The following STK32A variants were observed in gnomAD, a reference collection of about 807,000 sequenced individuals.
STK32A encodes the protein serine/threonine kinase 32A, also known as serine/threonine-protein kinase 32A.
STK32A carries 41 observed loss-of-function variants against 53.2 expected under a neutral mutation model. That is an observed-to-expected ratio of 0.77 (90% CI 0.60 to 1.00). The LOEUF (loss-of-function observed/expected upper bound fraction) is 1.00. Ranked by LOEUF, STK32A falls within the 50% of genes least tolerant of loss-of-function variation. STK32A has a pLI of 0.00. For synonymous variants in STK32A, 166 were observed against 162.8 expected, an observed-to-expected ratio of 1.02 and a Z score of -0.15; for missense variants, 458 against 485.8, an observed-to-expected ratio of 0.94 and a Z score of 0.54.
chr5:147,311,940 G>A (rs116146607), intron 4 of STK32A, among the ~76,000 whole-genome samples: 29 of 152,150 alleles, frequency 1.9e-4, no homozygotes, highest in African/African-American at 6.3e-4. Context: ...TGCTATGGAA[G>A]GGCAGAGGGG....
chr5:147,264,120 T>C (rs1754704461), intron 2 of STK32A, among the ~76,000 whole-genome samples: 1 of 152,196 alleles, frequency 6.6e-6, no homozygotes, highest in Admixed American at 6.5e-5. Context: ...TAAAAATATT[T>C]TTCATGGATA....
At chr5:147,285,731 A>G (rs1317495887) in intron 4 of STK32A, among the ~76,000 whole-genome samples, 1 of 151,782 alleles carries the variant, frequency 6.6e-6, no homozygotes, top group African/African-American at 2.4e-5. Flanking sequence ...AATCAAAACC[A>G]TAATGTGATT....
intron 4 of STK32A, among the ~76,000 whole-genome samples, chr5:147,284,715 AAAC>A (rs1194452319): frequency 2.6e-5 from 4 of 151,576 alleles, no homozygotes; most frequent in African/African-American, 9.7e-5. Context: ...AACAAAAAAA[AAAC>A]AAATACTTAG....
intron 11 of STK32A, 93 bp from the exon 12 acceptor site, chr5:147,383,348 A>G: frequency 1.9e-6 from 2 of 1,045,100 alleles, no homozygotes; most frequent in Non-Finnish European, 2.9e-6. Context: ...GGGGCTATTC[A>G]TTGAATAGAC....
intron 2 of STK32A, among the ~76,000 whole-genome samples, chr5:147,248,859 A>T (rs527531396): frequency 6.6e-5 from 10 of 152,250 alleles, no homozygotes; most frequent in African/African-American, 2.4e-4. Context: ...TTCTTAAAGG[A>T]CCCACCAAGC....
intron 2 of STK32A, among the ~76,000 whole-genome samples, chr5:147,250,200 A>T (rs1489756372): frequency 1.3e-5 from 2 of 152,216 alleles, no homozygotes; most frequent in East Asian, 3.9e-4. Flanking sequence ...GCTCACATAC[A>T]GTCTAGAGTT....
At chr5:147,282,692 A>G (rs1447360386) in intron 4 of STK32A, among the ~76,000 whole-genome samples, 3 of 152,194 alleles carry the variant, frequency 2.0e-5, no homozygotes, top group Non-Finnish European at 2.9e-5. Flanking sequence ...TAAAAGAGAG[A>G]CAAAGAGGGA....
intron 4 of STK32A, among the ~76,000 whole-genome samples, chr5:147,313,882 A>G (rs2151972627): frequency 6.6e-6 from 1 of 152,342 alleles, no homozygotes; most frequent in East Asian, 1.9e-4. Flanking sequence ...TAAAAGAATG[A>G]AATTGGAACC....
chr5:147,323,766 G>C, intron 4 of STK32A, 132 bp from the exon 5 acceptor site: 1 of 692,378 alleles, frequency 1.4e-6, no homozygotes, highest in Non-Finnish European at 2.4e-6. Context: ...GCTAGTGATA[G>C]ACCACCTACT....
intron 5 of STK32A, among the ~76,000 whole-genome samples, chr5:147,325,520 G>A (rs929667647): frequency 3.3e-5 from 5 of 152,156 alleles, no homozygotes; most frequent in African/African-American, 9.7e-5. Context: ...TAGATTCTCT[G>A]TGCAGGTACC....
chr5:147,348,648 T>C, intron 6 of STK32A: 1 of 758,020 alleles, frequency 1.3e-6, no homozygotes, highest in East Asian at 2.5e-5. Context: ...GTTGCATGTC[T>C]GGCTGCTCAT....
chr5:147,271,544 G>T (rs7729053), intron 2 of STK32A, among the ~76,000 whole-genome samples: 2 of 151,970 alleles, frequency 1.3e-5, no homozygotes, highest in African/African-American at 4.8e-5. Context: ...GGAACAGAGC[G>T]ATATTTCTCT....
At chr5:147,278,211 C>G (rs1581030097) in intron 3 of STK32A, 32 bp downstream of exon 3, 1 of 1,563,820 alleles carries the variant, frequency 6.4e-7, no homozygotes, top group African/African-American at 1.3e-5. Flanking sequence ...TAACCACCAG[C>G]AGGGTTATGT....
chr5:147,360,359 G>A (rs533933939), intron 7 of STK32A, among the ~76,000 whole-genome samples: 1 of 150,052 alleles, frequency 6.7e-6, no homozygotes, highest in Admixed American at 6.7e-5. Flanking sequence ...GCCAAGGTTG[G>A]AGGATCACTT....
chr5:147,309,724 G>A (rs1488935796), intron 4 of STK32A, among the ~76,000 whole-genome samples: 1 of 152,100 alleles, frequency 6.6e-6, no homozygotes, highest in African/African-American at 2.4e-5. Flanking sequence ...CTTTTGAGGT[G>A]CTGTACTAAT....
chr5:147,390,086 A>G (rs1038965659), downstream of STK32A, among the ~76,000 whole-genome samples: 4 of 152,292 alleles, frequency 2.6e-5, no homozygotes, highest in East Asian at 7.7e-4. Context: ...TGCAATGAAA[A>G]TATGATCTGC....
At chr5:147,242,979 T>A (rs1228558851) in intron 2 of STK32A, among the ~76,000 whole-genome samples, 4 of 152,192 alleles carry the variant, frequency 2.6e-5, no homozygotes, top group Non-Finnish European at 4.4e-5. Context: ...ATTTTTGATA[T>A]CCATATTTTT....
At chr5:147,236,669 GACAC>G (rs1338358804) in intron 1 of STK32A, among the ~76,000 whole-genome samples, 1 of 152,148 alleles carries the variant, frequency 6.6e-6, no homozygotes, top group Non-Finnish European at 1.5e-5. Flanking sequence ...CCCTTCCACA[GACAC>G]ACACAAAAAT....
the STK32A span, chr5:147,397,735 C>T: frequency 6.2e-6 from 10 of 1,614,036 alleles, no homozygotes; most frequent in African/African-American, 1.3e-4. Context: ...AGCGGCCAGC[C>T]CCCTGGGTCA....
Sources: allele counts gnomAD v4.1 joint callset (sites outside exome capture counted in the v4.1 genomes callset), GRCh38; gene constraint gnomAD v4.1.1; transcripts MANE v1.5; gene names NCBI Gene and HGNC (gene_info 2026-07-23, HGNC 2026-07-21).